Variants in EPHB2 observed in about 807,000 individuals in gnomAD.
EPHB2 encodes the protein ephrin type-B receptor 2.
In EPHB2, 18 loss-of-function variants were observed where a neutral mutation model predicts 96.4. The observed-to-expected ratio is 0.19, with a 90% CI of 0.13 to 0.28. EPHB2 has a LOEUF of 0.28. Among genes scored for constraint, EPHB2 ranks in the 10% least tolerant of loss-of-function variants. The pLI, the probability that EPHB2 is intolerant of heterozygous loss-of-function variation, is 1.00. For synonymous variants in EPHB2, 506 were observed against 534.1 expected (o/e 0.95, Z 0.72); for missense variants, 989 against 1,355.4 (o/e 0.73, Z 4.25).
chr1:22,759,609 T>G (rs1364842358), intron 1 of EPHB2, among the ~76,000 whole-genome samples: 6 of 152,140 alleles, frequency 3.9e-5, no homozygotes. Flanking sequence ...ACTGCGCTGT[T>G]GCCTTTCAGG....
At position 22,818,226 on chromosome 1, in the gene EPHB2, C is replaced by A. The variant is rs187929088; in HGVS notation, c.811+33150C>A. Among the ~76,000 whole-genome samples the A allele has an allele frequency of 2.0e-4, 30 of 152,262 alleles. No homozygotes were observed. The East Asian group carries it at 4.8e-3, about 25-fold the overall frequency. ...AGCTCAGTGTACCTGGCCAGCCCCC[C>A]ACGACCTCTTCTTCCAGTCCCACCC... On this transcript the variant is annotated intron_variant, in intron 3 of 15. Coordinates refer to ENST00000374630, the MANE Select transcript of EPHB2 (RefSeq NM_017449.5).
At chr1:22,900,184 C>T (rs1016331167) in intron 9 of EPHB2, among the ~76,000 whole-genome samples, 4 of 152,200 alleles carry the variant, frequency 2.6e-5, no homozygotes, top group South Asian at 2.1e-4. Context: ...ATCCCAGCTA[C>T]TCAGGAGGCT....
chr1:22,821,825 T>C (rs1258813959), intron 3 of EPHB2, among the ~76,000 whole-genome samples: 1 of 152,242 alleles, frequency 6.6e-6, no homozygotes, highest in Admixed American at 6.5e-5. Context: ...CTTAAAGGTC[T>C]TTCCTGCTCG....
chr1:22,906,593 G>A lies in EPHB2; in HGVS notation c.1889-117G>A. ...GGGTTCTGTGTCTGCAAGGATGAGTGGGCCATTGAGAAGAAAATGTACCTG... is the reference window on the plus strand; with the variant it reads ...GGGTTCTGTGTCTGCAAGGATGAGTAGGCCATTGAGAAGAAAATGTACCTG... On this transcript the variant is annotated intron_variant, in intron 10 of 15. Coordinates refer to ENST00000374630, the MANE Select transcript of EPHB2 (RefSeq NM_017449.5). This position sits in a 1 kb window ranked among gnomAD's most constrained non-coding sequence, Gnocchi z 4.8. The A allele has an allele frequency of 6.7e-7, 1 of 1,488,314 alleles. No individual in the cohort carries two copies. Among genetic ancestry groups the A allele is most frequent in the Non-Finnish European group, 9.1e-7 (1 of 1,095,298 alleles). 92.2% of individuals were successfully genotyped at this position (1,488,314 alleles called of 1,614,324 possible).
chr1:22,718,766 G>A (rs1489503259), intron 1 of EPHB2, among the ~76,000 whole-genome samples: 1 of 152,136 alleles, frequency 6.6e-6, no homozygotes, highest in African/African-American at 2.4e-5. Context: ...GAGCCCCACA[G>A]GTCGTTGTAT....
chr1:22,735,179 CTT>C (rs886607143), intron 1 of EPHB2, among the ~76,000 whole-genome samples: 1 of 152,044 alleles, frequency 6.6e-6, no homozygotes, highest in Admixed American at 6.5e-5. Flanking sequence ...TCCCAGCACA[CTT>C]TGGGAGGGTG....
Position 22,758,119 on chromosome 1 carries a change from C to G in EPHB2, c.62-23302C>G, listed in dbSNP as rs372136040. On this transcript the variant is annotated intron_variant, in intron 1 of 15. Transcript: ENST00000374630. ...ATTTTTAGTAGAGACGGGGTTTCAC[C>G]GTGTTAGCCAGGATGGTCTCAATCT... Among the ~76,000 whole-genome samples the G allele has an allele frequency of 2.0e-4, 29 of 144,322 alleles. No homozygotes were observed. The East Asian group carries it at 5.0e-3, about 25-fold the overall frequency. 94.7% of individuals were successfully genotyped at this position (144,322 alleles called of 152,430 possible).
chr1:22,714,218 C>A (rs1484083881), intron 1 of EPHB2, among the ~76,000 whole-genome samples: 1 of 152,160 alleles, frequency 6.6e-6, no homozygotes, highest in Non-Finnish European at 1.5e-5. Flanking sequence ...CCAGAGGAGG[C>A]TGTGAACCCC....
intron 6 of EPHB2, among the ~76,000 whole-genome samples, chr1:22,884,949 G>A (rs1639176338): frequency 6.6e-6 from 1 of 152,184 alleles, no homozygotes; most frequent in Non-Finnish European, 1.5e-5. Flanking sequence ...AGTTCCTTGA[G>A]GGTGAAGATC....
chr1:22,773,129 G>A lies in EPHB2; in HGVS notation c.62-8292G>A, dbSNP rs1165574829. Among the ~76,000 whole-genome samples, 3 of 152,178 alleles carry A rather than the reference G, an allele frequency of 2.0e-5. No individual in the cohort carries two copies. The East Asian group carries it at 5.8e-4, about 29-fold the overall frequency. On this transcript the variant is annotated intron_variant, in intron 1 of 15. Transcript: ENST00000374630. ...ACTGTAAAAACCTTTGGCTCCCAAT[G>A]CCTCCTTTGATCCTCAAAACAACGC...
intron 1 of EPHB2, among the ~76,000 whole-genome samples, chr1:22,743,156 C>T (rs6673115): frequency 0.25 from 37,251 of 151,954 alleles, 4,885 homozygotes; most frequent in Middle Eastern, 0.31. Context: ...CCTCCTGAAA[C>T]AGTGGGAGTA....
intron 3 of EPHB2, among the ~76,000 whole-genome samples, chr1:22,828,642 C>T (rs1400957690): frequency 6.6e-6 from 1 of 152,120 alleles, no homozygotes; most frequent in African/African-American, 2.4e-5. Flanking sequence ...ACAGTCACCG[C>T]CTGTCACGGC....
chr1:22,783,170 G>A (rs1425907221), intron 2 of EPHB2, among the ~76,000 whole-genome samples: 1 of 152,162 alleles, frequency 6.6e-6, no homozygotes, highest in Non-Finnish European at 1.5e-5. Flanking sequence ...AACAGCTCTG[G>A]GTCTGTGTGA....
rs1008854670 is a variant in EPHB2 at position 22,915,806 on chromosome 1, G to C, written c.*2236G>C. On this transcript the variant is annotated 3_prime_UTR_variant, in exon 16 of 16. Transcript: ENST00000374630. ...GAGGCAGGGAGATGGATGTGCCATG[G>C]ATATCGGGTCTGGCTGAGGAAGGGG... 1 of 152,348 alleles carries C rather than the reference G, an allele frequency of 6.6e-6. No homozygotes were observed. The highest frequency in any genetic ancestry group is 1.5e-5 in the Non-Finnish European group (1 of 68,142). The allele number at this position is 152,348 out of a possible 1,614,324, so 9.4% of individuals were successfully genotyped here. A position where few individuals can be genotyped will look rare whatever the true frequency, so the allele number is the denominator to read the frequency against.
chr1:22,888,617 C>T (rs1330687488), intron 6 of EPHB2, among the ~76,000 whole-genome samples: 3 of 152,130 alleles, frequency 2.0e-5, no homozygotes, highest in African/African-American at 7.2e-5. Context: ...CTCTTCCCAT[C>T]GTCCCTTGGT....
intron 1 of EPHB2, among the ~76,000 whole-genome samples, chr1:22,724,948 A>G (rs556973343): frequency 2.0e-4 from 30 of 152,052 alleles, no homozygotes; most frequent in Admixed American, 1.2e-3. Flanking sequence ...CTCCCTGGTC[A>G]GTTCTTGCTA....
In EPHB2 at chr1:22,913,480, G is replaced by A. The variant is rs778265834; in HGVS notation, c.2871G>A (p.Gly957=). The A allele has an allele frequency of 1.9e-6, 3 of 1,614,144 alleles. No individual in the cohort carries two copies. The highest frequency in any genetic ancestry group is 2.2e-5 in the South Asian group (2 of 91,074). Residue 957 remains glycine (G), a synonymous_variant, in exon 16 of 16, where the codon GGG becomes GGA. Transcript: ENST00000374630. This position sits in a 1 kb window ranked among gnomAD's most constrained non-coding sequence, Gnocchi z 4.1. ...CCCAAAGGGACATTCTCCGGGTTGG[G>A]GTCACTTTGGCTGGCCACCAGAAAA... ...QMMMEDILRV[G]VTLAGHQKKI...
chr1:22,734,810 C>T (rs1570173468), intron 1 of EPHB2, among the ~76,000 whole-genome samples: 1 of 152,184 alleles, frequency 6.6e-6, no homozygotes, highest in Non-Finnish European at 1.5e-5. Flanking sequence ...GAACTGCCCC[C>T]TCCTAGAAAG....
Position 22,797,266 on chromosome 1 carries a change from C to T in EPHB2, c.811+12190C>T, listed in dbSNP as rs141483475. ...CGTCCCCTTCATTCCACTAAAACAG[C>T]TCATCATCGAGGCCTCCAGTGATGT... On this transcript the variant is annotated intron_variant, in intron 3 of 15. Transcript: ENST00000374630. 7.3e-4 allele frequency among the ~76,000 whole-genome samples: 111 copies of T among 152,294 alleles called. 3 individuals carry two copies. Among genetic ancestry groups the T allele is most frequent in the African/African-American group, 2.6e-3 (106 of 41,552 alleles).
Sources: gnomAD v4.1 joint callset for allele counts (sites outside exome capture counted in the v4.1 genomes callset) on GRCh38, gnomAD v4.1.1 for gene constraint, Gnocchi (gnomAD v3.1) non-coding constraint, MANE v1.5 for transcripts, NCBI Gene and HGNC (gene_info 2026-07-23, HGNC 2026-07-21) for gene names.